AGBL5: variants seen among roughly 807,000 people sequenced by gnomAD.
AGBL5 encodes the protein cytosolic carboxypeptidase-like protein 5.
In AGBL5, 51 loss-of-function variants were observed where a neutral mutation model predicts 88.0. The observed-to-expected ratio is 0.58, with a 90% CI of 0.46 to 0.73. The LOEUF is 0.73. AGBL5 is among the 30% of genes least tolerant of loss of function. The pLI is 0.00. For missense variants in AGBL5, 1,031 were observed against 1,162.2 expected, an observed-to-expected ratio of 0.89 and a Z score of 1.64; for synonymous variants, 446 against 438.8, an observed-to-expected ratio of 1.02 and a Z score of -0.21.
intron 11 of AGBL5, 63 bp downstream of exon 11, chr2:27,059,467 T>A (rs748611120): frequency 1.9e-6 from 3 of 1,605,288 alleles, no homozygotes; most frequent in East Asian, 2.2e-5. Context: ...CTGGGGGAAG[T>A]AAGAGCTTGA....
intron 12 of AGBL5, among the ~76,000 whole-genome samples, chr2:27,068,262 C>T (rs1015943523): frequency 6.6e-5 from 10 of 152,168 alleles, no homozygotes; most frequent in African/African-American, 2.2e-4. Flanking sequence ...CATATGATTG[C>T]GGCAGTATAA....
chr2:27,060,904 A>C (rs1668685793), intron 11 of AGBL5: 1 of 152,244 alleles, frequency 6.6e-6, no homozygotes, highest in Non-Finnish European at 1.5e-5. Flanking sequence ...CAAAGACGCT[A>C]TGGGATGGAT....
At chr2:27,069,880 TCAATC>T (rs1185072618) in intron 14 of AGBL5, 174 bp downstream of exon 14, 1 of 985,452 alleles carries the variant, frequency 1.0e-6, no homozygotes, top group African/African-American at 1.7e-5. Flanking sequence ...GGCCAAGTCT[TCAATC>T]CAAAGCAAAA....
rs773015369 is a variant in AGBL5 at position 27,056,122 on chromosome 2, G to A, written c.1349G>A (p.Ser450Asn). ...RGCFMYGNSF[S>N]DESTQVENML... ...TGCTTCATGTACGGAAACAGCTTTAGTGATGAGAGCACCCAGGTGGGAATC... is the reference window on the plus strand; with the variant it reads ...TGCTTCATGTACGGAAACAGCTTTAATGATGAGAGCACCCAGGTGGGAATC... The change falls in exon 7 of 15, where the codon AGT (serine) becomes AAT (asparagine). Residue 450 changes from serine to asparagine, a missense_variant. This residue lies in a region of AGBL5 where 540 missense variants were observed against 678.2 expected (regional missense o/e 0.80). Coordinates refer to ENST00000360131, the MANE Select transcript of AGBL5 (RefSeq NM_021831.6). 14 of 1,611,724 alleles carry A rather than the reference G, an allele frequency of 8.7e-6. No homozygotes were observed. In the South Asian group the frequency reaches 1.4e-4, roughly 16 times the overall value.
At chr2:27,062,103 C>T (rs1170832274) in intron 11 of AGBL5, among the ~76,000 whole-genome samples, 1 of 145,136 alleles carries the variant, frequency 6.9e-6, no homozygotes. Flanking sequence ...GCATGAACCA[C>T]TGTGCCCATC....
Position 27,068,581 on chromosome 2 carries a change from A to G in AGBL5, c.2243-51A>G. On this transcript the variant is annotated intron_variant, in intron 12 of 14. Transcript: ENST00000360131. ...AAGAAACCCTGATCCTTTGGAAGTTACCTCCTCTTCTCTGTGACCCCTACC... is the reference window on the plus strand; with the variant it reads ...AAGAAACCCTGATCCTTTGGAAGTTGCCTCCTCTTCTCTGTGACCCCTACC... 2.0e-6 allele frequency: 3 copies of G among 1,524,360 alleles called. No individual in the cohort carries two copies. In the South Asian group the frequency reaches 3.5e-5, roughly 18 times the overall value. The allele number at this position is 1,524,360 out of a possible 1,614,324, so 94.4% of individuals were successfully genotyped here.
Position 27,058,484 on chromosome 2 carries a change from C to G in AGBL5, c.1756C>G (p.Leu586Val), listed in dbSNP as rs755773780. Residue 586 changes from leucine to valine, a missense_variant, in exon 10 of 15, where the codon CTT (leucine) becomes GTT (valine). Leu to Val is a conservative substitution (Grantham distance 32, BLOSUM62 1). Coordinates refer to ENST00000360131, the MANE Select transcript of AGBL5 (RefSeq NM_021831.6). ...PRIVLSEHSS[L>V]TNLRAWMLKH... Reference sequence around the variant, plus strand: ...AATTGTACTGTCAGAGCACAGCAGCCTTACTAATCTACGGGCCTGGATGCT... The same window carrying G: ...AATTGTACTGTCAGAGCACAGCAGCGTTACTAATCTACGGGCCTGGATGCT... 6.2e-7 allele frequency: 1 copy of G among 1,614,190 alleles called. No homozygotes were observed. Among genetic ancestry groups the G allele is most frequent in the Non-Finnish European group, 8.5e-7 (1 of 1,180,052 alleles).
intron 5 of AGBL5, 77 bp downstream of exon 5, chr2:27,054,884 T>C (rs1430562475): frequency 1.7e-5 from 26 of 1,543,060 alleles, no homozygotes; most frequent in Non-Finnish European, 2.1e-5. Context: ...AAGACTATGT[T>C]ATCTCTAGGC....
Position 27,054,733 on chromosome 2 carries a change from GA to G in AGBL5, c.656del (p.Asp219ValfsTer6). 1 of 1,614,008 alleles carries G rather than the reference GA, an allele frequency of 6.2e-7. No homozygotes were observed. Among genetic ancestry groups the G allele is most frequent in the Non-Finnish European group, 8.5e-7 (1 of 1,179,996 alleles). On this transcript the variant is annotated frameshift_variant, in exon 5 of 15. Coordinates refer to ENST00000360131, the MANE Select transcript of AGBL5 (RefSeq NM_021831.6). LOFTEE classifies it high-confidence loss of function. ...CACTTCCTGCCATGGGCTTCGAGAAGATCGAGAGCCCCGTCTAGAGCAGCTA... is the reference window on the plus strand; with the variant it reads ...CACTTCCTGCCATGGGCTTCGAGAAGTCGAGAGCCCCGTCTAGAGCAGCTA... ...TITSCHGLRE[D>X]REPRLEQLFP... is the part of the protein sequence containing the mutation.
At chr2:27,059,138 C>T in intron 10 of AGBL5, 52 bp from the exon 11 acceptor site, 2 of 1,567,636 alleles carry the variant, frequency 1.3e-6, no homozygotes, top group Non-Finnish European at 1.7e-6. Context: ...TAGGGAAAGC[C>T]TTAGGACACA....
intron 4 of AGBL5, chr2:27,054,358 C>G (rs908184323): frequency 3.6e-6 from 2 of 553,264 alleles, no homozygotes; most frequent in African/African-American, 1.9e-5. Context: ...CCTTTTTTAT[C>G]TGCCCCCACG....
chr2:27,052,952 C>T lies in AGBL5; in HGVS notation c.-7C>T. 6.3e-7 allele frequency: 1 copy of T among 1,583,030 alleles called. No homozygotes were observed. Among genetic ancestry groups the T allele is most frequent in the South Asian group, 1.1e-5 (1 of 87,504 alleles). On this transcript the variant is annotated 5_prime_UTR_variant, in exon 2 of 15. Coordinates refer to ENST00000360131, the MANE Select transcript of AGBL5 (RefSeq NM_021831.6). ...GCGGGGCAGGAGGATGCTTTCCCAGCCCCACCATGGAGCTGCGCTGTGGGG... is the reference window on the plus strand; with the variant it reads ...GCGGGGCAGGAGGATGCTTTCCCAGTCCCACCATGGAGCTGCGCTGTGGGG...
chr2:27,052,798 C>A, intron 1 of AGBL5, 115 bp from the exon 2 acceptor site: 1 of 550,408 alleles, frequency 1.8e-6, no homozygotes, highest in Non-Finnish European at 3.0e-6. Flanking sequence ...AGGGAGACAG[C>A]CTTTTGTTTC....
intron 11 of AGBL5, among the ~76,000 whole-genome samples, chr2:27,066,541 G>T (rs1433316765): frequency 6.6e-6 from 1 of 152,148 alleles, no homozygotes; most frequent in Non-Finnish European, 1.5e-5. Context: ...AGAATGGTGG[G>T]GAAGACTTGA....
At chr2:27,052,357 A>C (rs545342497) in intron 1 of AGBL5, 2 of 152,438 alleles carry the variant, frequency 1.3e-5, no homozygotes, top group Admixed American at 1.3e-4. Context: ...CAAAAAAGGA[A>C]GAACCAGCCC....
Position 27,055,910 on chromosome 2 carries a change from C to A in AGBL5, c.1137C>A (p.His379Gln), listed in dbSNP as rs778680779. ...TCCAAAATGAAGCTCAGTGTGGGCACTCAGCTGACAGGCATAACGCTGAAG... is the reference window on the plus strand; with the variant it reads ...TCCAAAATGAAGCTCAGTGTGGGCAATCAGCTGACAGGCATAACGCTGAAG... ...NNLQNEAQCG[H>Q]SADRHNAEAW... is the part of the protein sequence containing the mutation. Residue 379 changes from histidine to glutamine, a missense_variant, in exon 7 of 15, where the codon CAC becomes CAA. His to Gln is a conservative substitution (Grantham distance 24). This residue lies in a region of AGBL5 where 540 missense variants were observed against 678.2 expected (regional missense o/e 0.80). Coordinates refer to ENST00000360131, the MANE Select transcript of AGBL5 (RefSeq NM_021831.6). The A allele has an allele frequency of 1.2e-6, 2 of 1,614,082 alleles. No homozygotes were observed. Among genetic ancestry groups the A allele is most frequent in the South Asian group, 2.2e-5 (2 of 91,090 alleles).
At position 27,052,957 on chromosome 2, in the gene AGBL5, C is replaced by T. The variant is rs766274421; in HGVS notation, c.-2C>T. On this transcript the variant is annotated 5_prime_UTR_variant, in exon 2 of 15. Transcript: ENST00000360131. ...GCAGGAGGATGCTTTCCCAGCCCCA[C>T]CATGGAGCTGCGCTGTGGGGGATTG... 2.7e-5 allele frequency: 43 copies of T among 1,588,798 alleles called. No individual in the cohort carries two copies. The Middle Eastern group carries it at 1.2e-3, about 43-fold the overall frequency.
At chr2:27,069,010 C>G in intron 13 of AGBL5, 1 of 1,426,516 alleles carries the variant, frequency 7.0e-7, no homozygotes, top group Non-Finnish European at 9.3e-7. Context: ...TTGGCTTTCC[C>G]TGCCCCTGCC....
chr2:27,057,965 G>T (rs1454787676), intron 9 of AGBL5, among the ~76,000 whole-genome samples: 1 of 151,972 alleles, frequency 6.6e-6, no homozygotes, highest in Non-Finnish European at 1.5e-5. Context: ...AGTCCCAGCT[G>T]CTCAGGAGGC....
Sources: allele counts gnomAD v4.1 joint callset (sites outside exome capture counted in the v4.1 genomes callset), GRCh38; gene constraint gnomAD v4.1.1; regional missense constraint gnomAD v4.1.1; transcripts MANE v1.5; gene names NCBI Gene and HGNC (gene_info 2026-07-23, HGNC 2026-07-21).